The following RBL1 variants were observed in gnomAD, a reference collection of about 807,000 sequenced individuals.
RBL1 encodes the protein RB transcriptional corepressor like 1, also known as retinoblastoma-like protein 1.
In RBL1, 82 loss-of-function variants were observed where a neutral mutation model predicts 123.0. The ratio of observed to expected loss-of-function variants is 0.67; its 90% CI spans 0.56 to 0.80. The LOEUF is 0.80. Among genes scored for constraint, RBL1 ranks in the 30% least tolerant of loss-of-function variants. The pLI is 0.00. For synonymous variants in RBL1, 405 were observed against 441.3 expected, an observed-to-expected ratio of 0.92 and a Z score of 1.03; for missense variants, 1,171 against 1,299.6, an observed-to-expected ratio of 0.90 and a Z score of 1.52.
At chr20:37,019,334 C>T (rs755593313) in intron 18 of RBL1, among the ~76,000 whole-genome samples, 2 of 152,184 alleles carry the variant, frequency 1.3e-5, no homozygotes, top group Non-Finnish European at 2.9e-5. Flanking sequence ...TCTGAGATAG[C>T]TGGAAAGGCA....
chr20:37,043,160 G>T (rs996955550), intron 13 of RBL1, among the ~76,000 whole-genome samples: 2 of 89,712 alleles, frequency 2.2e-5, no homozygotes, highest in South Asian at 6.1e-4. Context: ...ACATGCGCGC[G>T]TGCACACACA....
intron 1 of RBL1, among the ~76,000 whole-genome samples, chr20:37,093,591 A>G (rs1304756392): frequency 1.3e-5 from 2 of 151,860 alleles, no homozygotes; most frequent in East Asian, 3.9e-4. Flanking sequence ...GTGAGCTATA[A>G]TTGCACCACT....
intron 16 of RBL1, among the ~76,000 whole-genome samples, chr20:37,024,127 C>A (rs1306770679): frequency 6.6e-6 from 1 of 151,990 alleles, no homozygotes; most frequent in African/African-American, 2.4e-5. Flanking sequence ...AAAAAGTTAC[C>A]CCTTACAGAA....
In RBL1 at chr20:37,067,040, G is replaced by A. The variant is rs527413075; in HGVS notation, c.638C>T (p.Ala213Val). The A allele has an allele frequency of 2.0e-4, 319 of 1,609,522 alleles. 4 individuals carry two copies. The South Asian group carries it at 2.9e-3, about 15-fold the overall frequency. Residue 213 changes from alanine to valine, a missense_variant, in exon 5 of 22, where the codon GCG (alanine) becomes GTG (valine). Coordinates refer to ENST00000373664, the MANE Select transcript of RBL1 (RefSeq NM_002895.5). ...LCCLDLIFAN[A>V]IMCPNRQDLL... The stretch of plus-strand genomic sequence containing the variant: ...GTCTTGTCTATTTGGGCACATAATC[G>A]CATTGGCAAAAATCAGATCCAAGCA...
At chr20:37,045,768 T>C (rs998979639) in intron 12 of RBL1, among the ~76,000 whole-genome samples, 1 of 152,200 alleles carries the variant, frequency 6.6e-6, no homozygotes, top group Admixed American at 6.5e-5. Flanking sequence ...AAAAATACTT[T>C]AATCACACTC....
chr20:37,009,524 A>AT (rs929234287), intron 19 of RBL1, among the ~76,000 whole-genome samples: 8 of 150,828 alleles, frequency 5.3e-5, no homozygotes, highest in East Asian at 3.9e-4. Context: ...CACCGAGCTA[A>AT]TTTTTTTTTA....
intron 2 of RBL1, among the ~76,000 whole-genome samples, chr20:37,085,286 C>A (rs1000768495): frequency 2.0e-5 from 3 of 151,768 alleles, no homozygotes; most frequent in African/African-American, 7.3e-5. Context: ...GCACCCGCAA[C>A]CACGCCCAGC....
chr20:37,031,551 C>A (rs1049341031), intron 16 of RBL1, among the ~76,000 whole-genome samples: 1 of 152,096 alleles, frequency 6.6e-6, no homozygotes, highest in Admixed American at 6.6e-5. Context: ...AACCAGAAAA[C>A]ACGAAACGTT....
chr20:37,073,705 G>GAAAAAAAA (rs796752326), intron 2 of RBL1, among the ~76,000 whole-genome samples: 1,145 of 103,080 alleles, frequency 0.011, 73 homozygotes, highest in East Asian at 0.032. Context: ...CTCAAAAAAA[G>GAAAAAAAA]AAAAAAAAAA....
chr20:37,025,180 T>C (rs994691697), intron 16 of RBL1, among the ~76,000 whole-genome samples: 1 of 152,078 alleles, frequency 6.6e-6, no homozygotes, highest in African/African-American at 2.4e-5. Flanking sequence ...AACAGAACCC[T>C]TAACATTTAC....
chr20:37,057,086 G>A (rs960697960), intron 9 of RBL1, among the ~76,000 whole-genome samples: 1 of 151,264 alleles, frequency 6.6e-6, no homozygotes, highest in Admixed American at 6.6e-5. Flanking sequence ...TACACCCACA[G>A]CATTTTCTTT....
intron 11 of RBL1, among the ~76,000 whole-genome samples, chr20:37,051,546 T>C (rs1373735403): frequency 3.3e-5 from 5 of 152,156 alleles, no homozygotes; most frequent in Non-Finnish European, 7.3e-5. Flanking sequence ...AAAATAAAGT[T>C]ACTTATGCAA....
At chr20:37,012,603 A>G (rs1379039664) in intron 19 of RBL1, among the ~76,000 whole-genome samples, 2 of 132,106 alleles carry the variant, frequency 1.5e-5, no homozygotes, top group African/African-American at 6.6e-5. Context: ...GCCCCGTCTG[A>G]GAAGTGAGGA....
At chr20:37,094,614 T>A (rs1340949913) in intron 1 of RBL1, among the ~76,000 whole-genome samples, 1 of 152,198 alleles carries the variant, frequency 6.6e-6, no homozygotes, top group Non-Finnish European at 1.5e-5. Context: ...CACAATTCTG[T>A]CTACACTGGG....
chr20:37,037,345 G>A (rs902035941), intron 14 of RBL1, among the ~76,000 whole-genome samples: 2 of 152,068 alleles, frequency 1.3e-5, no homozygotes, highest in South Asian at 2.1e-4. Context: ...AATGTAAAGC[G>A]GATCCAAATT....
chr20:37,022,895 C>A, intron 16 of RBL1, 69 bp from the exon 17 acceptor site: 14 of 1,252,162 alleles, frequency 1.1e-5, no homozygotes, highest in South Asian at 6.1e-5. Flanking sequence ...TATGTCTTAC[C>A]AAGACCAAGA....
intron 13 of RBL1, among the ~76,000 whole-genome samples, chr20:37,042,247 C>T (rs898349671): frequency 1.3e-5 from 2 of 151,938 alleles, no homozygotes; most frequent in Admixed American, 6.6e-5. Context: ...ATAGACATTT[C>T]TCCAAAGAAG....
Position 37,018,309 on chromosome 20 carries a change from T to C in RBL1, c.2692A>G (p.Ile898Val), listed in dbSNP as rs1210317063. 1 of 1,611,632 alleles carries C rather than the reference T, an allele frequency of 6.2e-7. No homozygotes were observed. Among genetic ancestry groups the C allele is most frequent in the East Asian group, 2.2e-5 (1 of 44,742 alleles). ...TCTATCATTTCAAAGTCATCATTTA[T>C]ATTTTTATTATATGCCACAACTTCT... ...PREVVAYNKNINDDFEMIDCD... is the reference protein window; with the variant it reads ...PREVVAYNKNVNDDFEMIDCD... Residue 898 changes from isoleucine (I) to valine (V), a missense_variant, in exon 19 of 22, where the codon ATA (isoleucine) becomes GTA (valine). Coordinates refer to ENST00000373664, the MANE Select transcript of RBL1 (RefSeq NM_002895.5).
intron 2 of RBL1, among the ~76,000 whole-genome samples, chr20:37,079,729 C>T (rs780013290): frequency 6.6e-5 from 10 of 152,012 alleles, no homozygotes; most frequent in Non-Finnish European, 1.3e-4. Context: ...CCCAAGCGAT[C>T]CTCCCACCTC....
Sources: gnomAD v4.1 joint callset for allele counts (sites outside exome capture counted in the v4.1 genomes callset) on GRCh38, gnomAD v4.1.1 for gene constraint, MANE v1.5 for transcripts, NCBI Gene and HGNC (gene_info 2026-07-23, HGNC 2026-07-21) for gene names.